Variants in IGFBP7 observed in about 807,000 individuals in gnomAD.
IGFBP7 encodes insulin like growth factor binding protein 7, also known as insulin-like growth factor-binding protein 7.
In IGFBP7, 31 loss-of-function variants were observed where a neutral mutation model predicts 29.4. The observed-to-expected ratio is 1.05, with a 90% confidence interval of 0.79 to 1.42. IGFBP7 has a LOEUF of 1.42. IGFBP7 is among the 40% of genes most tolerant of loss of function. IGFBP7 has a pLI of 0.00. For synonymous variants in IGFBP7, 172 were observed against 174.9 expected (o/e 0.98, Z 0.13); for missense variants, 393 against 395.5 (o/e 0.99, Z 0.05).
rs1381800560 is a variant in IGFBP7 at position 57,031,263 on chromosome 4, A to G, written c.*54T>C. On this transcript the variant is annotated 3_prime_UTR_variant, in exon 5 of 5. Coordinates refer to ENST00000295666, the MANE Select transcript of IGFBP7 (RefSeq NM_001553.3). ...GAAACTTATTAGGCAAGAACAGGTA[A>G]TGTAGTTATCCATGACTACTTTTAA... 1 of 1,432,592 alleles carries G rather than the reference A, an allele frequency of 7.0e-7. No individual in the cohort carries two copies. Among genetic ancestry groups the G allele is most frequent in the Non-Finnish European group, 9.8e-7 (1 of 1,016,708 alleles). 88.7% of individuals were successfully genotyped at this position (1,432,592 alleles called of 1,614,324 possible). A position where few individuals can be genotyped will look rare whatever the true frequency, so the allele number is the denominator to read the frequency against.
At chr4:57,044,152 A>T (rs1468204565) in intron 1 of IGFBP7, among the ~76,000 whole-genome samples, 1 of 152,214 alleles carries the variant, frequency 6.6e-6, no homozygotes, top group East Asian at 1.9e-4. Flanking sequence ...TGAGGATCTG[A>T]GGGCCTCAGC....
intron 1 of IGFBP7, among the ~76,000 whole-genome samples, chr4:57,082,679 C>T (rs1007786443): frequency 1.3e-5 from 2 of 152,142 alleles, no homozygotes; most frequent in African/African-American, 4.8e-5. Context: ...TATAAAGAAG[C>T]AGCAAGTTGT....
intron 2 of IGFBP7, among the ~76,000 whole-genome samples, chr4:57,034,496 A>ATAATAAAGCAAATCT (rs1490964834): frequency 1.3e-5 from 2 of 152,028 alleles, no homozygotes; most frequent in Non-Finnish European, 2.9e-5. Flanking sequence ...ATTTTCTTCT[A>ATAATAAAGCAAATCT]TAATAAAGCA....
chr4:57,100,071 C>CTTTTTTTTTTT (rs10669251), intron 1 of IGFBP7, among the ~76,000 whole-genome samples: 9 of 115,750 alleles, frequency 7.8e-5, no homozygotes, highest in East Asian at 2.6e-4. Context: ...TCTTTTCTTT[C>CTTTTTTTTTTT]TTTTTTTTTT....
At chr4:57,109,385 C>A (rs1259128233) in intron 1 of IGFBP7, among the ~76,000 whole-genome samples, 6 of 152,176 alleles carry the variant, frequency 3.9e-5, no homozygotes, top group Admixed American at 6.5e-5. Context: ...GGGCCAAGAT[C>A]GTGCCACTGC....
At chr4:57,052,132 G>A (rs569641227) in intron 1 of IGFBP7, among the ~76,000 whole-genome samples, 1 of 152,244 alleles carries the variant, frequency 6.6e-6, no homozygotes, top group South Asian at 2.1e-4. Flanking sequence ...ATGGGACATG[G>A]CGGGGATTAA....
At chr4:57,078,997 G>T (rs1051434509) in intron 1 of IGFBP7, among the ~76,000 whole-genome samples, 15 of 152,142 alleles carry the variant, frequency 9.9e-5, no homozygotes. Flanking sequence ...TGCTGCGGTG[G>T]CTTGTTTCTT....
At chr4:57,045,784 G>T (rs1724344548) in intron 1 of IGFBP7, among the ~76,000 whole-genome samples, 1 of 151,230 alleles carries the variant, frequency 6.6e-6, no homozygotes, top group Non-Finnish European at 1.5e-5. Flanking sequence ...AGGGTGCAAT[G>T]GTGTGATCTC....
chr4:57,108,920 A>G (rs1726102236), intron 1 of IGFBP7, among the ~76,000 whole-genome samples: 1 of 152,178 alleles, frequency 6.6e-6, no homozygotes, highest in Non-Finnish European at 1.5e-5. Context: ...AATCTCAAAG[A>G]CATTTCTGCT....
intron 1 of IGFBP7, among the ~76,000 whole-genome samples, chr4:57,062,525 C>T (rs964721851): frequency 3.7e-4 from 56 of 152,242 alleles, no homozygotes; most frequent in African/African-American, 1.3e-3. Context: ...GGGAATCATC[C>T]TCCTTTTACT....
chr4:57,108,322 GAA>G (rs1449367937), intron 1 of IGFBP7, among the ~76,000 whole-genome samples: 2 of 152,214 alleles, frequency 1.3e-5, no homozygotes, highest in Admixed American at 6.5e-5. Context: ...AAATTCTGGA[GAA>G]AGTCTGAACT....
intron 1 of IGFBP7, among the ~76,000 whole-genome samples, chr4:57,108,197 A>C (rs1473828818): frequency 6.6e-6 from 1 of 152,328 alleles, no homozygotes; most frequent in Non-Finnish European, 1.5e-5. Context: ...TGATACTATA[A>C]ATAGTTACTA....
At chr4:57,055,804 A>T (rs1362235528) in intron 1 of IGFBP7, among the ~76,000 whole-genome samples, 1 of 151,956 alleles carries the variant, frequency 6.6e-6, no homozygotes, top group Non-Finnish European at 1.5e-5. Context: ...AATCCCTCGA[A>T]CTTGGGAGCC....
chr4:57,031,575 A>G (rs1309024902), intron 4 of IGFBP7, among the ~76,000 whole-genome samples: 3 of 152,230 alleles, frequency 2.0e-5, no homozygotes, highest in Admixed American at 2.0e-4. Flanking sequence ...ACATCTTATT[A>G]TAGAACTGGA....
intron 1 of IGFBP7, among the ~76,000 whole-genome samples, chr4:57,063,735 G>T (rs764565711): frequency 2.0e-5 from 3 of 152,132 alleles, no homozygotes; most frequent in African/African-American, 2.4e-5. Context: ...GCTGTTTGTA[G>T]GTACAAACAG....
intron 1 of IGFBP7, among the ~76,000 whole-genome samples, chr4:57,089,937 T>C (rs1725594042): frequency 1.3e-5 from 2 of 152,188 alleles, no homozygotes; most frequent in African/African-American, 4.8e-5. Flanking sequence ...TAAGCATGTA[T>C]ACAAAAGCCA....
chr4:57,047,696 C>T (rs955521097), intron 1 of IGFBP7, among the ~76,000 whole-genome samples: 4 of 152,158 alleles, frequency 2.6e-5, no homozygotes, highest in South Asian at 2.1e-4. Context: ...TTAGAAGTCT[C>T]CTGCAGAATC....
intron 1 of IGFBP7, among the ~76,000 whole-genome samples, chr4:57,070,266 A>G (rs978691738): frequency 6.6e-6 from 1 of 152,198 alleles, no homozygotes. Context: ...CTTATTAAGA[A>G]AGTAATTTTC....
intron 1 of IGFBP7, among the ~76,000 whole-genome samples, chr4:57,083,328 C>T (rs889442212): frequency 6.6e-6 from 1 of 152,126 alleles, no homozygotes; most frequent in Non-Finnish European, 1.5e-5. Flanking sequence ...GAGAAATTTT[C>T]AAAAAATTTG....
Sources: gnomAD v4.1 joint callset for allele counts (sites outside exome capture counted in the v4.1 genomes callset) on GRCh38, gnomAD v4.1.1 for gene constraint, MANE v1.5 for transcripts, NCBI Gene and HGNC (gene_info 2026-07-23, HGNC 2026-07-21) for gene names.